Variants in CATSPERE observed in about 807,000 individuals in gnomAD.
The protein encoded by CATSPERE is cation channel sperm-associated auxiliary subunit epsilon.
In CATSPERE, 93 loss-of-function variants were observed where a neutral mutation model predicts 114.1. That is an observed-to-expected ratio of 0.81 (90% confidence interval 0.69 to 0.97). The LOEUF is 0.97. Ranked by LOEUF, CATSPERE falls within the 50% of genes least tolerant of loss-of-function variation. The probability of loss-of-function intolerance (pLI) is 0.00; values close to 1 mark genes in which losing one functional copy is unlikely to be tolerated. For synonymous variants in CATSPERE, 341 were observed against 384.1 expected (o/e 0.89, Z 1.31); for missense variants, 1,058 against 1,131.6 (o/e 0.93, Z 0.93).
chr1:244,511,628 G>A (rs1273733585), intron 7 of CATSPERE, among the ~76,000 whole-genome samples: 3 of 151,946 alleles, frequency 2.0e-5, no homozygotes, highest in African/African-American at 7.3e-5. Flanking sequence ...TCTTCTTTGT[G>A]TTATTGATAT....
chr1:244,465,027 T>C (rs567702632), intron 2 of CATSPERE, among the ~76,000 whole-genome samples: 40 of 151,796 alleles, frequency 2.6e-4, no homozygotes, highest in African/African-American at 9.6e-4. Flanking sequence ...GATTTAAACT[T>C]TTGGAGGCTC....
At chr1:244,571,163 C>T (rs2148572122) in intron 10 of CATSPERE, among the ~76,000 whole-genome samples, 1 of 152,328 alleles carries the variant, frequency 6.6e-6, no homozygotes, top group East Asian at 1.9e-4. Flanking sequence ...CATTTCTCCC[C>T]TTCCACCTTG....
chr1:244,576,682 A>T (rs1665313028), intron 11 of CATSPERE, among the ~76,000 whole-genome samples: 1 of 152,058 alleles, frequency 6.6e-6, no homozygotes. Flanking sequence ...AGCATTTTAC[A>T]TGTTACTTCA....
intron 5 of CATSPERE, among the ~76,000 whole-genome samples, chr1:244,480,639 G>GA (rs56100828): frequency 1.8e-5 from 1 of 54,406 alleles, no homozygotes; most frequent in East Asian, 2.4e-3. Flanking sequence ...CATGGTTGTT[G>GA]CTGATAGTTT....
intron 2 of CATSPERE, among the ~76,000 whole-genome samples, chr1:244,464,332 C>T (rs1667257174): frequency 6.6e-6 from 1 of 152,190 alleles, no homozygotes; most frequent in African/African-American, 2.4e-5. Flanking sequence ...CTATAGACCT[C>T]ATTCTCTATA....
At chr1:244,535,019 C>T (rs1680159312) in intron 8 of CATSPERE, among the ~76,000 whole-genome samples, 2 of 152,184 alleles carry the variant, frequency 1.3e-5, no homozygotes, top group South Asian at 4.1e-4. Flanking sequence ...AATGCTATGA[C>T]TCTTGGTGGT....
At chr1:244,565,391 G>A (rs552688610) in intron 10 of CATSPERE, among the ~76,000 whole-genome samples, 1 of 152,198 alleles carries the variant, frequency 6.6e-6, no homozygotes, top group Admixed American at 6.5e-5. Context: ...GCTTTTTTTG[G>A]TTAGTAGGCT....
intron 18 of CATSPERE, 133 bp from the exon 19 acceptor site, chr1:244,610,107 A>G (rs1176543810): frequency 4.9e-6 from 3 of 614,236 alleles, no homozygotes; most frequent in African/African-American, 3.7e-5. Context: ...ATTCCTCTGT[A>G]TACCAGCCAA....
rs1558558885 is a variant in CATSPERE, at chr1:244,593,587, AT to A, written c.2303+11del. 4.4e-6 allele frequency: 7 copies of A among 1,602,768 alleles called. No homozygotes were observed. In the South Asian group the frequency reaches 7.8e-5, roughly 18 times the overall value. ...CAACCTGTGGTTCAACTGTAAGTAT[AT>A]TCTCATCAACATTTTAACTTATATT... On this transcript the variant is annotated intron_variant, in intron 17 of 21. Transcript: ENST00000366534.
intron 2 of CATSPERE, among the ~76,000 whole-genome samples, chr1:244,464,590 C>T (rs1370664367): frequency 2.0e-5 from 3 of 152,120 alleles, no homozygotes; most frequent in Admixed American, 6.6e-5. Flanking sequence ...AACAAAGTTC[C>T]GCAAGATTGT....
chr1:244,507,937 G>A (rs1024691118), intron 7 of CATSPERE, among the ~76,000 whole-genome samples: 7 of 151,874 alleles, frequency 4.6e-5, no homozygotes, highest in East Asian at 3.9e-4. Context: ...GCTCATTATT[G>A]TTTTGGCTAC....
intron 8 of CATSPERE, among the ~76,000 whole-genome samples, chr1:244,529,308 C>T (rs192735493): frequency 8.3e-4 from 126 of 152,042 alleles, no homozygotes; most frequent in Admixed American, 4.3e-3. Flanking sequence ...CATACAGGGG[C>T]TCCCTTTCTC....
intron 20 of CATSPERE, among the ~76,000 whole-genome samples, chr1:244,625,885 G>A (rs1239059390): frequency 3.3e-5 from 5 of 151,774 alleles, no homozygotes; most frequent in Admixed American, 1.3e-4. Context: ...CACCATGCCC[G>A]GCCAAGTAGT....
chr1:244,638,858 C>T (rs760319849), intron 21 of CATSPERE, among the ~76,000 whole-genome samples: 10 of 152,160 alleles, frequency 6.6e-5, no homozygotes, highest in Admixed American at 2.0e-4. Context: ...TCCATGTCTT[C>T]GGCCATTAAT....
intron 6 of CATSPERE, among the ~76,000 whole-genome samples, chr1:244,498,659 A>C (rs1673501790): frequency 6.6e-6 from 1 of 152,190 alleles, no homozygotes; most frequent in African/African-American, 2.4e-5. Flanking sequence ...GCACTTTGGG[A>C]GGCCAAGGCA....
chr1:244,581,810 T>A lies in CATSPERE; in HGVS notation c.1965T>A (p.Tyr655Ter). ...YCTKTLTLTF[Y>*]QNVDYERISD... ...TCTTTTTTCAGACACTAACATTTTATCAGAATGTAGATTATGAGAGAATAT... is the reference window on the plus strand; with the variant it reads ...TCTTTTTTCAGACACTAACATTTTAACAGAATGTAGATTATGAGAGAATAT... The change falls in exon 12 of 22, where the codon TAT becomes TAA. Residue 655 changes from tyrosine (Y) to a stop codon, truncating the protein, a stop_gained. Coordinates refer to ENST00000366534, the MANE Select transcript of CATSPERE (RefSeq NM_001130957.2). LOFTEE classifies it high-confidence loss of function. The A allele has an allele frequency of 7.5e-7, 1 of 1,341,950 alleles. No individual in the cohort carries two copies. The highest frequency in any genetic ancestry group is 1.0e-6 in the Non-Finnish European group (1 of 960,256). 83.1% of individuals were successfully genotyped at this position (1,341,950 alleles called of 1,614,324 possible).
chr1:244,590,050 C>T (rs189246839), intron 14 of CATSPERE, among the ~76,000 whole-genome samples: 11 of 152,108 alleles, frequency 7.2e-5, no homozygotes, highest in Non-Finnish European at 1.3e-4. Context: ...GAGTTGTCAA[C>T]TCTTGGGGTC....
At chr1:244,456,611 A>T, upstream of CATSPERE, among the ~76,000 whole-genome samples, 1 of 152,206 alleles carries the variant, frequency 6.6e-6, no homozygotes, top group East Asian at 1.9e-4. Context: ...CATTTGGTCT[A>T]AATTAAGATC....
At chr1:244,603,786 G>T (rs1669608331) in intron 17 of CATSPERE, among the ~76,000 whole-genome samples, 1 of 152,090 alleles carries the variant, frequency 6.6e-6, no homozygotes, top group African/African-American at 2.4e-5. Flanking sequence ...CAGGAGGGTG[G>T]TTTGAGGCCA....
Sources: allele counts gnomAD v4.1 joint callset (sites outside exome capture counted in the v4.1 genomes callset), GRCh38; gene constraint gnomAD v4.1.1; transcripts MANE v1.5; gene names NCBI Gene and HGNC (gene_info 2026-07-23, HGNC 2026-07-21).